Variants in NECAB1 observed in about 807,000 individuals in gnomAD.
NECAB1 encodes the protein N-terminal EF-hand calcium-binding protein 1.
Under a neutral mutation model 57.5 loss-of-function variants are expected in NECAB1, and 29 were observed. The observed-to-expected ratio is 0.50, with a 90% CI of 0.38 to 0.69. The LOEUF is 0.69. Ranked by LOEUF, NECAB1 falls within the 30% of genes least tolerant of loss-of-function variation. The pLI is 0.00. For synonymous variants in NECAB1, 142 were observed against 147.7 expected, an observed-to-expected ratio of 0.96 and a Z score of 0.28; for missense variants, 372 against 413.8, an observed-to-expected ratio of 0.90 and a Z score of 0.88.
intron 2 of NECAB1, among the ~76,000 whole-genome samples, chr8:90,822,835 C>A (rs755143560): frequency 6.6e-6 from 1 of 151,212 alleles, no homozygotes; most frequent in Non-Finnish European, 1.5e-5. Flanking sequence ...ATGGAAATAG[C>A]AGGTCGATTT....
intron 12 of NECAB1, among the ~76,000 whole-genome samples, chr8:90,954,633 G>T (rs933817682): frequency 1.3e-5 from 2 of 151,688 alleles, no homozygotes; most frequent in African/African-American, 4.8e-5. Flanking sequence ...TTGTTTTCAG[G>T]ATATCTATAT....
intron 2 of NECAB1, among the ~76,000 whole-genome samples, chr8:90,804,180 C>T (rs138010306): frequency 7.9e-5 from 12 of 152,284 alleles, no homozygotes; most frequent in African/African-American, 2.9e-4. Flanking sequence ...AGTATATATA[C>T]TATTCAGCCT....
At chr8:90,901,585 C>T (rs1809504219) in intron 5 of NECAB1, among the ~76,000 whole-genome samples, 1 of 152,208 alleles carries the variant, frequency 6.6e-6, no homozygotes, top group African/African-American at 2.4e-5. Flanking sequence ...CAGCAAGTCT[C>T]CTTAATTTAT....
chr8:90,866,072 T>C (rs1808507620), intron 3 of NECAB1, among the ~76,000 whole-genome samples: 1 of 152,230 alleles, frequency 6.6e-6, no homozygotes, highest in Non-Finnish European at 1.5e-5. Flanking sequence ...GTCAGATATT[T>C]GATCATTCTT....
chr8:90,933,645 G>A (rs905416406), intron 8 of NECAB1, among the ~76,000 whole-genome samples: 2 of 151,954 alleles, frequency 1.3e-5, no homozygotes, highest in African/African-American at 2.4e-5. Context: ...TTCAGGTGAC[G>A]GGTGCACCAA....
chr8:90,842,393 C>G (rs553078961), intron 3 of NECAB1, among the ~76,000 whole-genome samples: 1 of 152,066 alleles, frequency 6.6e-6, no homozygotes, highest in Non-Finnish European at 1.5e-5. Context: ...TCCATTGTTT[C>G]TCATTCCTTA....
chr8:90,882,989 A>G (rs1808878759), intron 5 of NECAB1, among the ~76,000 whole-genome samples: 1 of 152,186 alleles, frequency 6.6e-6, no homozygotes, highest in Non-Finnish European at 1.5e-5. Flanking sequence ...AAGTTAATTT[A>G]AGAAGCTTCC....
At chr8:90,858,399 T>A (rs761724134) in intron 3 of NECAB1, among the ~76,000 whole-genome samples, 12 of 152,234 alleles carry the variant, frequency 7.9e-5, no homozygotes, top group Non-Finnish European at 1.6e-4. Context: ...AATTATTTTA[T>A]AGAAGTTCTA....
intron 6 of NECAB1, among the ~76,000 whole-genome samples, chr8:90,921,103 G>T (rs181767285): frequency 6.6e-6 from 1 of 152,124 alleles, no homozygotes; most frequent in African/African-American, 2.4e-5. Context: ...TGCAACTTCC[G>T]CTTCCCGGGT....
chr8:90,813,588 C>T lies in NECAB1; in HGVS notation c.125-11129C>T, dbSNP rs142419356. Among the ~76,000 whole-genome samples, 389 of 152,102 alleles carry T rather than the reference C, an allele frequency of 2.6e-3. 1 individual carries two copies. The highest frequency in any genetic ancestry group is 8.0e-3 in the African/African-American group (334 of 41,496). On this transcript the variant is annotated intron_variant, in intron 2 of 12. Transcript: ENST00000417640. ...GTCACCCAGGCTGGAGTGCAAGTGG[C>T]GTAATCATAGCTCACTATAACCTTG...
At chr8:90,877,027 A>G (rs1223640375) in intron 4 of NECAB1, among the ~76,000 whole-genome samples, 1 of 152,250 alleles carries the variant, frequency 6.6e-6, no homozygotes, top group Non-Finnish European at 1.5e-5. Flanking sequence ...CTTAAGGACA[A>G]TATACATTTG....
chr8:90,912,311 C>G (rs1809849392), intron 5 of NECAB1, among the ~76,000 whole-genome samples: 1 of 152,140 alleles, frequency 6.6e-6, no homozygotes, highest in South Asian at 2.1e-4. Context: ...ATAGGAGGAG[C>G]CAGAGGAAAG....
intron 4 of NECAB1, among the ~76,000 whole-genome samples, chr8:90,873,705 A>G (rs1165057303): frequency 6.6e-6 from 1 of 152,182 alleles, no homozygotes. Context: ...GGCTTTTAAG[A>G]TAAAAACACT....
At chr8:90,853,980 T>C (rs1022917863) in intron 3 of NECAB1, among the ~76,000 whole-genome samples, 1 of 152,128 alleles carries the variant, frequency 6.6e-6, no homozygotes, top group African/African-American at 2.4e-5. Context: ...GATCGTTGGT[T>C]AGGCAATCAT....
intron 4 of NECAB1, among the ~76,000 whole-genome samples, chr8:90,876,930 T>C (rs1011785455): frequency 6.6e-6 from 1 of 152,224 alleles, no homozygotes; most frequent in African/African-American, 2.4e-5. Flanking sequence ...AAAATAGGTC[T>C]TTTCTTCAGG....
intron 4 of NECAB1, among the ~76,000 whole-genome samples, chr8:90,874,205 T>G (rs1336258095): frequency 6.6e-6 from 1 of 152,148 alleles, no homozygotes; most frequent in Non-Finnish European, 1.5e-5. Flanking sequence ...CCAGCACAAA[T>G]TCCCCCTTGT....
At chr8:90,822,647 TATCATA>T (rs1163562617) in intron 2 of NECAB1, among the ~76,000 whole-genome samples, 1 of 151,790 alleles carries the variant, frequency 6.6e-6, no homozygotes, top group African/African-American at 2.4e-5. Context: ...ATCACTTACT[TATCATA>T]ATTATAAAGC....
At chr8:90,835,456 T>A (rs1198602541) in intron 3 of NECAB1, among the ~76,000 whole-genome samples, 3 of 152,082 alleles carry the variant, frequency 2.0e-5, no homozygotes, top group Non-Finnish European at 4.4e-5. Flanking sequence ...TTTCCTTTCA[T>A]TGGACCACAA....
At chr8:90,887,943 G>T (rs1586088167) in intron 5 of NECAB1, among the ~76,000 whole-genome samples, 1 of 152,166 alleles carries the variant, frequency 6.6e-6, no homozygotes, top group African/African-American at 2.4e-5. Flanking sequence ...AGCTGTGGTA[G>T]GTAGAAGCTC....
Sources: allele counts gnomAD v4.1 joint callset (sites outside exome capture counted in the v4.1 genomes callset), GRCh38; gene constraint gnomAD v4.1.1; transcripts MANE v1.5; gene names NCBI Gene and HGNC (gene_info 2026-07-23, HGNC 2026-07-21).